GABRB1: variants seen among roughly 807,000 people sequenced by gnomAD.
GABRB1 encodes gamma-aminobutyric acid type A receptor subunit beta1.
Under a neutral mutation model 51.6 loss-of-function variants are expected in GABRB1, and 17 were observed. That is an observed-to-expected ratio of 0.33 (90% CI 0.23 to 0.49). The LOEUF (loss-of-function observed/expected upper bound fraction) is 0.49. Among genes scored for constraint, GABRB1 ranks in the 20% least tolerant of loss-of-function variants. GABRB1 has a pLI of 0.99. For missense variants in GABRB1, 410 were observed against 600.6 expected (o/e 0.68, Z 3.32); for synonymous variants, 247 against 218.9 (o/e 1.13, Z -1.14).
chr4:47,092,909 C>T (rs949008959), intron 3 of GABRB1, among the ~76,000 whole-genome samples: 3 of 152,066 alleles, frequency 2.0e-5, no homozygotes, highest in Non-Finnish European at 2.9e-5. Context: ...CACTGCGTCC[C>T]GCCGGCATAC....
chr4:47,140,705 A>T (rs192475175), intron 3 of GABRB1, among the ~76,000 whole-genome samples: 2 of 151,344 alleles, frequency 1.3e-5, no homozygotes, highest in East Asian at 3.9e-4. Context: ...ACTTTGGAAC[A>T]TGTATACCTT....
intron 3 of GABRB1, among the ~76,000 whole-genome samples, chr4:47,115,962 T>C (rs991159303): frequency 1.3e-5 from 2 of 152,128 alleles, no homozygotes; most frequent in Non-Finnish European, 2.9e-5. Context: ...ACCATGTTAG[T>C]CAGGCTATAT....
intron 4 of GABRB1, among the ~76,000 whole-genome samples, chr4:47,187,902 A>C (rs1244262090): frequency 6.6e-6 from 1 of 151,918 alleles, no homozygotes; most frequent in African/African-American, 2.4e-5. Context: ...CTTTCTCCAG[A>C]TATCCACAAA....
chr4:47,214,569 A>G (rs1207530265), intron 4 of GABRB1, among the ~76,000 whole-genome samples: 5 of 152,180 alleles, frequency 3.3e-5, no homozygotes, highest in African/African-American at 1.2e-4. Flanking sequence ...GGAAATGTGA[A>G]CTTCAATTGT....
chr4:47,253,665 T>A (rs1403003078), intron 4 of GABRB1, among the ~76,000 whole-genome samples: 1 of 152,188 alleles, frequency 6.6e-6, no homozygotes, highest in Non-Finnish European at 1.5e-5. Flanking sequence ...CCATTACTCT[T>A]GCTTTTTGTC....
chr4:47,390,033 A>T (rs1228345854), intron 5 of GABRB1, among the ~76,000 whole-genome samples: 1 of 152,210 alleles, frequency 6.6e-6, no homozygotes, highest in South Asian at 2.1e-4. Context: ...GGTACTCTCC[A>T]CTCAACATTC....
At chr4:47,277,696 G>A (rs1723140043) in intron 4 of GABRB1, among the ~76,000 whole-genome samples, 1 of 151,508 alleles carries the variant, frequency 6.6e-6, no homozygotes, top group African/African-American at 2.4e-5. Flanking sequence ...TTGACAAAAA[G>A]GAGAAGAAAA....
chr4:47,179,141 G>A (rs1718834938), intron 4 of GABRB1, among the ~76,000 whole-genome samples: 1 of 151,976 alleles, frequency 6.6e-6, no homozygotes, highest in Admixed American at 6.6e-5. Flanking sequence ...ACAGGCCCCA[G>A]TGTGTGATGT....
intron 4 of GABRB1, among the ~76,000 whole-genome samples, chr4:47,180,091 ATAG>A (rs1449500871): frequency 2.0e-5 from 3 of 152,036 alleles, no homozygotes; most frequent in African/African-American, 7.2e-5. Context: ...GATACACAAA[ATAG>A]TAGCACAGCA....
intron 3 of GABRB1, among the ~76,000 whole-genome samples, chr4:47,062,475 G>A (rs1726885889): frequency 6.6e-6 from 1 of 150,514 alleles, no homozygotes; most frequent in Non-Finnish European, 1.5e-5. Flanking sequence ...ATGTTAACTT[G>A]TAACAATTCA....
intron 1 of GABRB1, among the ~76,000 whole-genome samples, chr4:47,019,959 T>C (rs554555598): frequency 1.1e-3 from 161 of 146,646 alleles, no homozygotes; most frequent in Non-Finnish European, 1.8e-3. Context: ...TATATGTATA[T>C]ATATTTTGTA....
intron 5 of GABRB1, among the ~76,000 whole-genome samples, chr4:47,388,689 A>G (rs1727882701): frequency 6.6e-6 from 1 of 152,224 alleles, no homozygotes; most frequent in Admixed American, 6.5e-5. Context: ...GAAACAAGGT[A>G]GACATGACTA....
At chr4:47,156,692 G>C (rs1405837715) in intron 3 of GABRB1, among the ~76,000 whole-genome samples, 1 of 151,984 alleles carries the variant, frequency 6.6e-6, no homozygotes, top group Non-Finnish European at 1.5e-5. Flanking sequence ...TTTGGGGACA[G>C]GCGCAGTGGC....
At chr4:47,310,920 T>C (rs1433462054) in intron 4 of GABRB1, among the ~76,000 whole-genome samples, 1 of 146,504 alleles carries the variant, frequency 6.8e-6, no homozygotes, top group African/African-American at 2.5e-5. Flanking sequence ...TCCCAACACT[T>C]TGGGAGGCTG....
chr4:47,375,198 A>T (rs1727337481), intron 5 of GABRB1, among the ~76,000 whole-genome samples: 1 of 152,234 alleles, frequency 6.6e-6, no homozygotes, highest in Admixed American at 6.5e-5. Context: ...AAGAAGGATC[A>T]TTAAAAGATT....
intron 3 of GABRB1, among the ~76,000 whole-genome samples, chr4:47,131,824 TG>T (rs749994725): frequency 7.9e-5 from 12 of 152,210 alleles, no homozygotes; most frequent in Non-Finnish European, 1.6e-4. Flanking sequence ...TTAAGAACTT[TG>T]TTTCTTTCTA....
At chr4:47,416,490 G>A (rs141574174) in intron 8 of GABRB1, among the ~76,000 whole-genome samples, 4,851 of 147,740 alleles carry the variant, frequency 0.033, 100 homozygotes, top group East Asian at 0.093. Context: ...TCCCTCTGTC[G>A]CCTAGGTTGG....
intron 4 of GABRB1, among the ~76,000 whole-genome samples, chr4:47,299,543 C>T (rs184088936): frequency 1.1e-3 from 170 of 152,228 alleles, no homozygotes; most frequent in South Asian, 3.3e-3. Flanking sequence ...CAATGAGATA[C>T]CATCTCACAC....
chr4:47,136,328 C>T (rs1384518347), intron 3 of GABRB1, among the ~76,000 whole-genome samples: 1 of 152,010 alleles, frequency 6.6e-6, no homozygotes, highest in Non-Finnish European at 1.5e-5. Context: ...AACAGGTGTC[C>T]TTCTTTCATG....
Sources: allele counts gnomAD v4.1 joint callset (sites outside exome capture counted in the v4.1 genomes callset), GRCh38; gene constraint gnomAD v4.1.1; transcripts MANE v1.5; gene names NCBI Gene and HGNC (gene_info 2026-07-23, HGNC 2026-07-21).